The following ATL3 variants were observed in gnomAD, a reference collection of about 807,000 sequenced individuals.
ATL3 encodes the protein atlastin GTPase 3.
Under a neutral mutation model 69.5 loss-of-function variants are expected in ATL3, and 49 were observed. The ratio of observed to expected loss-of-function variants is 0.71; its 90% CI spans 0.56 to 0.89. The LOEUF (loss-of-function observed/expected upper bound fraction) is 0.89, where lower values mean the gene tolerates loss of function less well. Among genes scored for constraint, ATL3 ranks in the 40% least tolerant of loss-of-function variants. ATL3 has a pLI of 0.00. For synonymous variants in ATL3, 214 were observed against 224.1 expected (o/e 0.95, Z 0.40); for missense variants, 606 against 645.7 (o/e 0.94, Z 0.67).
At position 63,659,229 on chromosome 11, in the gene ATL3, G is replaced by A; in HGVS notation, c.70C>T (p.Pro24Ser). ...GADDAMESSKPGPVQVVLVQK... is the reference protein window; with the variant it reads ...GADDAMESSKSGPVQVVLVQK... Reference sequence around the variant, plus strand: ...ACCAAAACAACCTGCACTGGACCAGGCTTGCTGCTCTCCATGGCATCATCT... The same window carrying A: ...ACCAAAACAACCTGCACTGGACCAGACTTGCTGCTCTCCATGGCATCATCT... The change falls in exon 2 of 13, where the codon CCT (proline) becomes TCT (serine). Residue 24 changes from proline (P) to serine (S), a missense_variant. Physicochemically the swap from Pro to Ser is moderately conservative, Grantham distance 74. Transcript: ENST00000398868. 1.2e-6 allele frequency: 2 copies of A among 1,614,044 alleles called. No homozygotes were observed. Among genetic ancestry groups the A allele is most frequent in the Non-Finnish European group, 8.5e-7 (1 of 1,179,986 alleles).
intron 1 of ATL3, among the ~76,000 whole-genome samples, chr11:63,665,222 G>C (rs1020235275): frequency 6.6e-6 from 1 of 151,940 alleles, no homozygotes; most frequent in Admixed American, 6.6e-5. Context: ...GCACATGCCT[G>C]TAATCCCAGC....
At chr11:63,662,745 T>C (rs980465007) in intron 1 of ATL3, among the ~76,000 whole-genome samples, 2 of 152,272 alleles carry the variant, frequency 1.3e-5, no homozygotes, top group African/African-American at 4.8e-5. Flanking sequence ...TCCCAAAGTG[T>C]TGGGATTACA....
intron 1 of ATL3, among the ~76,000 whole-genome samples, chr11:63,669,481 G>A (rs1185460811): frequency 6.6e-6 from 1 of 152,022 alleles, no homozygotes. Context: ...GTTGCAGTGA[G>A]CAGAGATCGC....
Position 63,629,521 on chromosome 11 carries a change from G to A in ATL3, c.1540-116C>T, listed in dbSNP as rs116240484. 192 of 875,268 alleles carry A rather than the reference G, an allele frequency of 2.2e-4. No homozygotes were observed. In the African/African-American group the frequency reaches 2.8e-3, roughly 13 times the overall value. The allele number at this position is 875,268 out of a possible 1,614,324, so 54.2% of individuals were successfully genotyped here. A position where few individuals can be genotyped will look rare whatever the true frequency, so the allele number is the denominator to read the frequency against. On this transcript the variant is annotated intron_variant, in intron 12 of 12. Transcript: ENST00000398868. Reference sequence around the variant, plus strand: ...CATCATCGGCATGTTACAGAAAGCAGTTGAATGAAAATGCAGGGATACAGA... The same window carrying A: ...CATCATCGGCATGTTACAGAAAGCAATTGAATGAAAATGCAGGGATACAGA...
intron 7 of ATL3, 149 bp from the exon 8 acceptor site, chr11:63,643,644 TA>T: frequency 1.6e-6 from 1 of 643,960 alleles, no homozygotes; most frequent in South Asian, 2.8e-5. Context: ...TAAGAAGCAA[TA>T]AACACACAAA....
intron 5 of ATL3, among the ~76,000 whole-genome samples, chr11:63,648,635 C>A (rs925380237): frequency 6.6e-6 from 1 of 152,150 alleles, no homozygotes; most frequent in African/African-American, 2.4e-5. Flanking sequence ...ATGGCGAAAC[C>A]CTGTCTCTAC....
chr11:63,664,951 T>G (rs74676313), intron 1 of ATL3, among the ~76,000 whole-genome samples: 2,075 of 152,230 alleles, frequency 0.014, 24 homozygotes, highest in Non-Finnish European at 0.02. Flanking sequence ...CATAATGTGG[T>G]TGAAGGCTAC....
chr11:63,644,805 G>C (rs1939815312), intron 6 of ATL3, among the ~76,000 whole-genome samples: 1 of 152,174 alleles, frequency 6.6e-6, no homozygotes, highest in Admixed American at 6.6e-5. Flanking sequence ...CAGGTTAGTA[G>C]GAACAGAAGG....
chr11:63,652,082 G>T, intron 4 of ATL3, 96 bp from the exon 5 acceptor site: 1 of 1,505,520 alleles, frequency 6.6e-7, no homozygotes, highest in Non-Finnish European at 8.8e-7. Flanking sequence ...AACAATTAAA[G>T]ACTTGCATAT....
At chr11:63,643,608 TGGCCAAA>T in intron 7 of ATL3, 113 bp from the exon 8 acceptor site, 7 of 963,918 alleles carry the variant, frequency 7.3e-6, no homozygotes, top group Non-Finnish European at 1.0e-5. Context: ...TGGATCATAG[TGGCCAAA>T]TGAGAAAACT....
intron 1 of ATL3, among the ~76,000 whole-genome samples, chr11:63,666,330 C>A (rs900036028): frequency 6.6e-6 from 1 of 151,946 alleles, no homozygotes; most frequent in Non-Finnish European, 1.5e-5. Context: ...TGAGCCACCG[C>A]GCCCGGCCTA....
At chr11:63,653,470 A>T (rs970692195) in intron 3 of ATL3, among the ~76,000 whole-genome samples, 8 of 152,114 alleles carry the variant, frequency 5.3e-5, no homozygotes, top group Admixed American at 3.9e-4. Flanking sequence ...GTCCCAAAAA[A>T]AAAAAACCAA....
chr11:63,624,382 T>C lies in ATL3; in HGVS notation c.*4937A>G, dbSNP rs2134449080. On this transcript the variant is annotated 3_prime_UTR_variant, in exon 13 of 13. Transcript: ENST00000398868. ...AAAGCTATGGGAATCAATGCTACCT[T>C]CCCTTGCTCATAAAAACATTTAAAC... The C allele has an allele frequency of 6.6e-6, 1 of 152,290 alleles. No individual in the cohort carries two copies. The highest frequency in any genetic ancestry group is 1.5e-5 in the Non-Finnish European group (1 of 68,012). 9.4% of individuals were successfully genotyped at this position (152,290 alleles called of 1,614,324 possible).
intron 3 of ATL3, among the ~76,000 whole-genome samples, chr11:63,656,020 C>G (rs922049969): frequency 1.3e-5 from 2 of 151,738 alleles, no homozygotes; most frequent in Non-Finnish European, 2.9e-5. Context: ...GTCAGGAGAT[C>G]GAGACCATCC....
intron 6 of ATL3, 65 bp from the exon 7 acceptor site, chr11:63,644,326 A>G (rs1939796155): frequency 1.0e-6 from 1 of 963,356 alleles, no homozygotes; most frequent in African/African-American, 1.6e-5. Flanking sequence ...GAACAACTGC[A>G]ATACATCTTT....
Position 63,629,305 on chromosome 11 carries a change from T to C in ATL3, c.*14A>G. ...GGGCTTGTTGTGTTCTTGTTTGATC[T>C]TCACGTTAAGATGCTATTGAGCTTT... On this transcript the variant is annotated 3_prime_UTR_variant, in exon 13 of 13. Transcript: ENST00000398868. 6.2e-7 allele frequency: 1 copy of C among 1,609,456 alleles called. No individual in the cohort carries two copies. The highest frequency in any genetic ancestry group is 8.5e-7 in the Non-Finnish European group (1 of 1,175,710).
At position 63,640,221 on chromosome 11, in the gene ATL3, G is replaced by A. The variant is rs147902107; in HGVS notation, c.850+3136C>T. Among the ~76,000 whole-genome samples the A allele has an allele frequency of 8.3e-3, 1,256 of 152,196 alleles. 19 individuals carry two copies. The highest frequency in any genetic ancestry group is 0.028 in the African/African-American group (1,156 of 41,524). On this transcript the variant is annotated intron_variant, in intron 8 of 12. Transcript: ENST00000398868. ...ATTACAAGCGTGAGCTACCGCACCCGGCCTCTACCTTATCCTTTTTAATGA... is the reference window on the plus strand; with the variant it reads ...ATTACAAGCGTGAGCTACCGCACCCAGCCTCTACCTTATCCTTTTTAATGA...
At chr11:63,633,223 T>C in intron 10 of ATL3, 126 bp from the exon 11 acceptor site, 1 of 733,880 alleles carries the variant, frequency 1.4e-6, no homozygotes, top group Non-Finnish European at 2.3e-6. Flanking sequence ...TTTTCTAGAT[T>C]TCCATATAGT....
chr11:63,629,965 T>C (rs866065312), intron 12 of ATL3, among the ~76,000 whole-genome samples: 1 of 152,180 alleles, frequency 6.6e-6, no homozygotes, highest in East Asian at 1.9e-4. Flanking sequence ...ATAAAAAAGA[T>C]ACCATCCCTT....
Sources: gnomAD v4.1 joint callset for allele counts (sites outside exome capture counted in the v4.1 genomes callset) on GRCh38, gnomAD v4.1.1 for gene constraint, MANE v1.5 for transcripts, NCBI Gene and HGNC (gene_info 2026-07-23, HGNC 2026-07-21) for gene names.